Variants in BDP1 observed in about 807,000 individuals in gnomAD.
BDP1 encodes the protein transcription factor TFIIIB component B'' homolog.
Under a neutral mutation model 266.6 loss-of-function variants are expected in BDP1, and 169 were observed. The observed-to-expected ratio is 0.63, with a 90% CI of 0.56 to 0.72. The LOEUF is 0.72. BDP1 is among the 30% of genes least tolerant of loss of function. BDP1 has a pLI of 0.00. For synonymous variants in BDP1, 1,090 were observed against 1,022.4 expected, an observed-to-expected ratio of 1.07 and a Z score of -1.26; for missense variants, 3,015 against 3,053.8, an observed-to-expected ratio of 0.99 and a Z score of 0.30.
At chr5:71,516,353 A>G in intron 21 of BDP1, 82 bp downstream of exon 21, 1 of 1,033,346 alleles carries the variant, frequency 9.7e-7, no homozygotes, top group Non-Finnish European at 1.4e-6. Context: ...GCTTAGAAAT[A>G]CAGGCATCTG....
At chr5:71,576,040 C>A in the BDP1 span, among the ~76,000 whole-genome samples, 14 of 152,306 alleles carry the variant, frequency 9.2e-5, no homozygotes, top group African/African-American at 3.1e-4. Flanking sequence ...ACGACATCAA[C>A]CCCCATAACC....
chr5:71,573,489 T>C, the BDP1 span, among the ~76,000 whole-genome samples: 67,472 of 152,000 alleles, frequency 0.44, 15,373 homozygotes, highest in South Asian at 0.55. Flanking sequence ...GAGTTTAAGT[T>C]GTTGAAGGAA....
At chr5:71,519,335 T>A (rs572861162) in intron 22 of BDP1, among the ~76,000 whole-genome samples, 1 of 152,234 alleles carries the variant, frequency 6.6e-6, no homozygotes, top group African/African-American at 2.4e-5. Flanking sequence ...ATTTTCTAGC[T>A]ATTTTGAAAT....
At position 71,466,081 on chromosome 5, in the gene BDP1, C is replaced by T; in HGVS notation, c.660-15C>T. 2 of 1,610,478 alleles carry T rather than the reference C, an allele frequency of 1.2e-6. No individual in the cohort carries two copies. Among genetic ancestry groups the T allele is most frequent in the East Asian group, 2.2e-5 (1 of 44,776 alleles). On this transcript the variant is annotated splice_polypyrimidine_tract_variant and intron_variant, in intron 4 of 38. Coordinates refer to ENST00000358731, the MANE Select transcript of BDP1 (RefSeq NM_018429.3). ...TTCATGCCTTTGTGAATTAACTTAT[C>T]TTTATATGTGGTAGGCAAGAAGGTA...
At chr5:71,512,899 TA>T (rs1388457501) in intron 18 of BDP1, among the ~76,000 whole-genome samples, 2 of 150,972 alleles carry the variant, frequency 1.3e-5, no homozygotes, top group African/African-American at 2.4e-5. Flanking sequence ...CTCTATAAAA[TA>T]AAAAAACAAA....
intron 35 of BDP1, 27 bp from the exon 36 acceptor site, chr5:71,556,859 A>AT (rs752761743): frequency 2.4e-4 from 284 of 1,182,514 alleles, no homozygotes; most frequent in African/African-American, 3.9e-4. Flanking sequence ...AAATTTCTAA[A>AT]TTTTTTTTTA....
At chr5:71,476,589 G>A (rs1295594306) in intron 7 of BDP1, among the ~76,000 whole-genome samples, 1 of 151,596 alleles carries the variant, frequency 6.6e-6, no homozygotes, top group African/African-American at 2.4e-5. Flanking sequence ...CATCCAGGCT[G>A]GAGTGCAGTG....
chr5:71,541,998 T>C (rs1766996414), intron 29 of BDP1, 107 bp from the exon 30 acceptor site: 2 of 843,386 alleles, frequency 2.4e-6, no homozygotes, highest in African/African-American at 3.4e-5. Flanking sequence ...TTGTAGACAG[T>C]GTGGCACCTA....
chr5:71,489,197 T>C (rs1327966457), intron 9 of BDP1, among the ~76,000 whole-genome samples: 1 of 152,224 alleles, frequency 6.6e-6, no homozygotes. Context: ...TTCACATGAC[T>C]ACATATAATC....
At chr5:71,472,810 T>A (rs558372886) in intron 7 of BDP1, among the ~76,000 whole-genome samples, 15 of 152,034 alleles carry the variant, frequency 9.9e-5, no homozygotes, top group Non-Finnish European at 2.2e-4. Context: ...AACTATATGA[T>A]CCTGTAGTTT....
In BDP1 at chr5:71,560,171, C is replaced by A. The variant is rs754568800; in HGVS notation, c.7430C>A (p.Thr2477Asn). The stretch of plus-strand genomic sequence containing the variant: ...ATTGTGTCTGATAAGGAAGAAAGAA[C>A]TGATGCTGCTCCTAAGTCTCAGCAA... ...EMIVSDKEER[T>N]DAAPKSQQMD... The change falls in exon 37 of 39, where the codon ACT becomes AAT. Residue 2477 changes from threonine to asparagine, a missense_variant. Physicochemically the swap from Thr to Asn is moderately conservative, Grantham distance 65. Coordinates refer to ENST00000358731, the MANE Select transcript of BDP1 (RefSeq NM_018429.3). 1 of 1,614,130 alleles carries A rather than the reference C, an allele frequency of 6.2e-7. No individual in the cohort carries two copies. Among genetic ancestry groups the A allele is most frequent in the Non-Finnish European group, 8.5e-7 (1 of 1,180,000 alleles).
At chr5:71,553,091 T>C in intron 34 of BDP1, 25 bp from the exon 35 acceptor site, 1 of 1,548,050 alleles carries the variant, frequency 6.5e-7, no homozygotes, top group Non-Finnish European at 8.8e-7. Flanking sequence ...TTCAGTAATT[T>C]AGTATGTATT....
At chr5:71,457,082 G>A (rs1761235045) in intron 1 of BDP1, among the ~76,000 whole-genome samples, 1 of 152,102 alleles carries the variant, frequency 6.6e-6, no homozygotes, top group African/African-American at 2.4e-5. Flanking sequence ...ACAGAAAGGA[G>A]ATACCGATAC....
chr5:71,457,716 G>T (rs1761287544), intron 1 of BDP1, among the ~76,000 whole-genome samples: 1 of 152,146 alleles, frequency 6.6e-6, no homozygotes, highest in Non-Finnish European at 1.5e-5. Flanking sequence ...GATAATGCAT[G>T]TATCCATAAC....
In BDP1 at chr5:71,489,529, A is replaced by C; in HGVS notation, c.1339A>C (p.Arg447=). 1 of 1,614,158 alleles carries C rather than the reference A, an allele frequency of 6.2e-7. No individual in the cohort carries two copies. The highest frequency in any genetic ancestry group is 2.2e-5 in the East Asian group (1 of 44,860). The change falls in exon 10 of 39, where the codon AGG becomes CGG. Residue 447 remains arginine (R), a synonymous_variant. Transcript: ENST00000358731. ...TVEEESLTLS[R]EDAEQVALEV... ...TGAAGAAGAGTCTCTGACCTTATCA[A>C]GGGAGGATGCAGAGCAGGTTGCATT...
At chr5:71,526,031 C>T (rs62360643) in intron 25 of BDP1, among the ~76,000 whole-genome samples, 1 of 152,138 alleles carries the variant, frequency 6.6e-6, no homozygotes, top group Non-Finnish European at 1.5e-5. Context: ...ACTTCCCAGA[C>T]GGGGTGGCGG....
At chr5:71,535,378 T>C (rs894810893) in intron 26 of BDP1, among the ~76,000 whole-genome samples, 101 of 152,044 alleles carry the variant, frequency 6.6e-4, no homozygotes, top group African/African-American at 2.3e-3. Flanking sequence ...CTAATTTTTG[T>C]ATTTTTAGTA....
intron 22 of BDP1, among the ~76,000 whole-genome samples, chr5:71,520,318 A>G (rs951906267): frequency 1.3e-5 from 2 of 152,030 alleles, no homozygotes; most frequent in Non-Finnish European, 2.9e-5. Context: ...TATTGCTTTT[A>G]TTTTAAGATT....
At chr5:71,459,708 G>A (rs1410018987) in intron 2 of BDP1, among the ~76,000 whole-genome samples, 1 of 152,162 alleles carries the variant, frequency 6.6e-6, no homozygotes, top group African/African-American at 2.4e-5. Flanking sequence ...AATACTTAGG[G>A]ATTGAATCTC....
Sources: gnomAD v4.1 joint callset for allele counts (sites outside exome capture counted in the v4.1 genomes callset) on GRCh38, gnomAD v4.1.1 for gene constraint, MANE v1.5 for transcripts, NCBI Gene and HGNC (gene_info 2026-07-23, HGNC 2026-07-21) for gene names.